PRKAA1: variants seen among roughly 807,000 people sequenced by gnomAD.
The protein encoded by PRKAA1 is 5'-AMP-activated protein kinase catalytic subunit alpha-1.
A neutral mutation model predicts 56.9 loss-of-function variants in PRKAA1; 23 were observed. That is an observed-to-expected ratio of 0.40 (90% CI 0.29 to 0.57). The LOEUF (loss-of-function observed/expected upper bound fraction) is 0.57. Ranked by LOEUF, PRKAA1 falls within the 20% of genes least tolerant of loss-of-function variation. The pLI is 0.39. For synonymous variants in PRKAA1, 226 were observed against 227.0 expected (o/e 1.00, Z 0.04); for missense variants, 413 against 679.7 (o/e 0.61, Z 4.36).
At chr5:40,775,191 A>ATATGATT (rs1743941994) in intron 3 of PRKAA1, among the ~76,000 whole-genome samples, 2 of 152,210 alleles carry the variant, frequency 1.3e-5, no homozygotes, top group African/African-American at 4.8e-5. Context: ...GCAATCATAT[A>ATATGATT]AGCCGCGAGG....
At position 40,780,361 on chromosome 5, in the gene PRKAA1, G is replaced by A. The variant is rs180821721; in HGVS notation, c.128-2775C>T. Among the ~76,000 whole-genome samples the A allele has an allele frequency of 4.7e-4, 71 of 152,260 alleles. 1 individual carries two copies. Among genetic ancestry groups the A allele is most frequent in the Non-Finnish European group, 9.4e-4 (64 of 68,022 alleles). On this transcript the variant is annotated intron_variant, in intron 1 of 8. Transcript: ENST00000397128. ...GTGCTGTAAGGAATACAGTAAGAAG[G>A]AATGATATTTGGCTTTCTCAATACC...
chr5:40,765,319 A>G (rs1435908850), intron 6 of PRKAA1, 81 bp from the exon 7 acceptor site: 1 of 1,417,070 alleles, frequency 7.1e-7, no homozygotes, highest in Non-Finnish European at 9.5e-7. Context: ...AATTTAGAAT[A>G]TGACTTAATT....
chr5:40,786,886 A>G (rs925247299), intron 1 of PRKAA1, among the ~76,000 whole-genome samples: 3 of 150,792 alleles, frequency 2.0e-5, no homozygotes, highest in African/African-American at 7.3e-5. Flanking sequence ...TGAACAGAGC[A>G]GGCAGAGGTT....
intron 6 of PRKAA1, among the ~76,000 whole-genome samples, chr5:40,765,475 G>A (rs1743384957): frequency 6.6e-6 from 1 of 152,004 alleles, no homozygotes; most frequent in Admixed American, 6.6e-5. Flanking sequence ...GCAATGGGGG[G>A]AAAAAAGTTA....
intron 4 of PRKAA1, among the ~76,000 whole-genome samples, chr5:40,769,766 A>T (rs1330828768): frequency 6.6e-6 from 1 of 151,958 alleles, no homozygotes; most frequent in Non-Finnish European, 1.5e-5. Context: ...TATTAGAAAA[A>T]ACTTGCCATG....
chr5:40,767,719 A>T, intron 5 of PRKAA1, 29 bp from the exon 6 acceptor site: 3 of 1,531,274 alleles, frequency 2.0e-6, no homozygotes, highest in Non-Finnish European at 2.7e-6. Context: ...ATTGGATTAA[A>T]GAATCATTTT....
chr5:40,797,956 C>A, intron 1 of PRKAA1, 107 bp downstream of exon 1: 2 of 1,514,912 alleles, frequency 1.3e-6, no homozygotes, highest in Non-Finnish European at 8.9e-7. Flanking sequence ...GGCTGCCCAG[C>A]CCTGGAAAGA....
intron 1 of PRKAA1, among the ~76,000 whole-genome samples, chr5:40,783,554 G>A (rs1395257961): frequency 1.3e-5 from 2 of 152,006 alleles, no homozygotes; most frequent in Non-Finnish European, 2.9e-5. Context: ...TCAGGAGTTC[G>A]AGACCAGTTT....
intron 1 of PRKAA1, among the ~76,000 whole-genome samples, chr5:40,785,739 A>G (rs1182926832): frequency 6.6e-6 from 1 of 152,078 alleles, no homozygotes; most frequent in African/African-American, 2.4e-5. Context: ...AGACGTGACT[A>G]GTGAAGGATT....
In PRKAA1 at chr5:40,765,241, G is replaced by A. The variant is rs1579712014; in HGVS notation, c.822-3C>T. 6.3e-7 allele frequency: 1 copy of A among 1,598,870 alleles called. No individual in the cohort carries two copies. Among genetic ancestry groups the A allele is most frequent in the South Asian group, 1.1e-5 (1 of 88,502 alleles). The stretch of plus-strand genomic sequence containing the variant: ...CCTGTTTAAACCATTCATGTTCCCT[G>A]AGAGAAAAATGGCAGGATCAGGAGA... On this transcript the variant is annotated splice_region_variant and splice_polypyrimidine_tract_variant and intron_variant, in intron 6 of 8. Transcript: ENST00000397128.
intron 1 of PRKAA1, among the ~76,000 whole-genome samples, chr5:40,790,461 G>A (rs948000754): frequency 4.0e-5 from 6 of 151,702 alleles, no homozygotes; most frequent in African/African-American, 7.3e-5. Flanking sequence ...GTTCCAGCTC[G>A]TGTGGTTTTC....
intron 1 of PRKAA1, among the ~76,000 whole-genome samples, chr5:40,778,027 T>C (rs188007641): frequency 2.0e-5 from 3 of 151,618 alleles, no homozygotes; most frequent in Non-Finnish European, 4.4e-5. Context: ...TGAGCCGAGA[T>C]CACACCACTG....
At chr5:40,777,660 G>C (rs1341576872) in intron 1 of PRKAA1, 74 bp from the exon 2 acceptor site, 2 of 1,386,792 alleles carry the variant, frequency 1.4e-6, no homozygotes, top group Non-Finnish European at 2.0e-6. Flanking sequence ...CTGGCCCGGT[G>C]CAGTGGCTCA....
At position 40,765,005 on chromosome 5, in the gene PRKAA1, T is replaced by G. The variant is rs775398537; in HGVS notation, c.1055A>C (p.Tyr352Ser). ...AGAATCAGGTGGGCTTGTCGCCAAA[T>G]AGAAATCTTTGGCTTCATTCATTAT... ...RRIMNEAKDF[Y>S]LATSPPDSFL... Residue 352 changes from tyrosine to serine, a missense_variant, in exon 7 of 9, where the codon TAT (tyrosine) becomes TCT (serine). Transcript: ENST00000397128. 6.2e-7 allele frequency: 1 copy of G among 1,614,188 alleles called. No homozygotes were observed.
intron 8 of PRKAA1, 68 bp downstream of exon 8, chr5:40,764,446 G>C (rs1743327170): frequency 1.4e-6 from 2 of 1,431,118 alleles, no homozygotes. Context: ...AGCCTCAAAA[G>C]AATCAAGGCG....
rs186857195 is a variant in PRKAA1, at chr5:40,767,706, A to G, written c.597-16T>C. ...TGCATACAATCTGTAACAGGAAATA[A>G]CAATTGGATTAAAGAATCATTTTAA... On this transcript the variant is annotated splice_polypyrimidine_tract_variant and intron_variant, in intron 5 of 8. Transcript: ENST00000397128. 6.4e-7 allele frequency: 1 copy of G among 1,558,188 alleles called. No homozygotes were observed. The highest frequency in any genetic ancestry group is 1.8e-5 in the Admixed American group (1 of 56,196).
In PRKAA1 at chr5:40,798,199, G is replaced by A. The variant is rs1399497314; in HGVS notation, c.-10C>T. On this transcript the variant is annotated 5_prime_UTR_variant, in exon 1 of 9. Coordinates refer to ENST00000397128, the MANE Select transcript of PRKAA1 (RefSeq NM_006251.6). ...AACTGAGTCTGCGCATGGCGCTGCG[G>A]GAGGGGGCGGAGGGGGCGGGCAGGG... 3 of 935,440 alleles carry A rather than the reference G, an allele frequency of 3.2e-6. No homozygotes were observed. The highest frequency in any genetic ancestry group is 3.2e-6 in the Non-Finnish European group (2 of 625,146). The allele number at this position is 935,440 out of a possible 1,614,324, so 57.9% of individuals were successfully genotyped here.
intron 3 of PRKAA1, among the ~76,000 whole-genome samples, chr5:40,772,096 G>A (rs997563028): frequency 1.3e-5 from 2 of 152,194 alleles, no homozygotes; most frequent in African/African-American, 2.4e-5. Context: ...ATTTGCATAT[G>A]ACTACATTGT....
chr5:40,792,018 A>C (rs1744737004), intron 1 of PRKAA1, among the ~76,000 whole-genome samples: 1 of 152,250 alleles, frequency 6.6e-6, no homozygotes, highest in African/African-American at 2.4e-5. Flanking sequence ...CAATACCTGC[A>C]CTATACACAC....
Sources: gnomAD v4.1 joint callset for allele counts (sites outside exome capture counted in the v4.1 genomes callset) on GRCh38, gnomAD v4.1.1 for gene constraint, MANE v1.5 for transcripts, NCBI Gene and HGNC (gene_info 2026-07-23, HGNC 2026-07-21) for gene names.